The following SV2C variants were observed in gnomAD, a reference collection of about 807,000 sequenced individuals.
SV2C encodes solute carrier family 22 member B3.
Under a neutral mutation model 79.7 loss-of-function variants are expected in SV2C, and 49 were observed. That is an observed-to-expected ratio of 0.61 (90% CI 0.49 to 0.78). The LOEUF is 0.78. Ranked by LOEUF, SV2C falls within the 30% of genes least tolerant of loss-of-function variation. SV2C has a pLI of 0.00. For synonymous variants in SV2C, 334 were observed against 333.2 expected, an observed-to-expected ratio of 1.00 and a Z score of -0.03; for missense variants, 833 against 912.9, an observed-to-expected ratio of 0.91 and a Z score of 1.13.
chr5:75,946,731 G>A, the SV2C span, among the ~76,000 whole-genome samples: 3 of 151,974 alleles, frequency 2.0e-5, no homozygotes, highest in Admixed American at 6.6e-5. Flanking sequence ...AAAACTGTAA[G>A]GACAGAGAAC....
the SV2C span, among the ~76,000 whole-genome samples, chr5:76,041,182 A>C: frequency 6.6e-6 from 1 of 152,224 alleles, no homozygotes; most frequent in Non-Finnish European, 1.5e-5. Context: ...TTTTAAAATT[A>C]TAAATCAAGC....
At chr5:76,297,520 C>A (rs1172781962) in intron 9 of SV2C, among the ~76,000 whole-genome samples, 1 of 152,150 alleles carries the variant, frequency 6.6e-6, no homozygotes, top group Admixed American at 6.5e-5. Flanking sequence ...CTGATTCATT[C>A]CCTTTTCCAA....
the SV2C span, among the ~76,000 whole-genome samples, chr5:76,032,726 A>G: frequency 6.6e-6 from 1 of 152,226 alleles, no homozygotes; most frequent in African/African-American, 2.4e-5. Context: ...ATGTGTCTTT[A>G]GAGCAGCATG....
the SV2C span, among the ~76,000 whole-genome samples, chr5:75,886,747 T>G: frequency 1.3e-5 from 2 of 152,078 alleles, no homozygotes; most frequent in Admixed American, 1.3e-4. Context: ...TACTTGGTGG[T>G]CGAGGGGCGG....
chr5:75,875,648 G>T, the SV2C span, among the ~76,000 whole-genome samples: 1 of 151,816 alleles, frequency 6.6e-6, no homozygotes, highest in African/African-American at 2.4e-5. Context: ...ACAGCCTACA[G>T]AATGAGAGAA....
the SV2C span, among the ~76,000 whole-genome samples, chr5:75,982,796 A>G: frequency 6.6e-6 from 1 of 152,330 alleles, no homozygotes; most frequent in South Asian, 2.1e-4. Context: ...AAAAACAACA[A>G]GATCATGTCC....
At chr5:76,017,500 A>G in the SV2C span, among the ~76,000 whole-genome samples, 2 of 152,108 alleles carry the variant, frequency 1.3e-5, no homozygotes, top group South Asian at 4.1e-4. Context: ...GCTGGTCTCA[A>G]ACTCCTGACT....
intron 4 of SV2C, among the ~76,000 whole-genome samples, chr5:76,231,133 C>A (rs1243155854): frequency 6.6e-6 from 1 of 152,286 alleles, no homozygotes; most frequent in Admixed American, 6.5e-5. Flanking sequence ...AACACCCCCT[C>A]GTCAGTTCAG....
chr5:76,329,759 C>T lies in SV2C; in HGVS notation c.*4212C>T, dbSNP rs2112573088. ...TCAAAATGGCCTTTACCTATTTCTT[C>T]AGTAATATACCTGATCTGTTCATGC... On this transcript the variant is annotated 3_prime_UTR_variant, in exon 13 of 13. Transcript: ENST00000502798. 1 of 152,204 alleles carries T rather than the reference C, an allele frequency of 6.6e-6. No individual in the cohort carries two copies. Among genetic ancestry groups the T allele is most frequent in the South Asian group, 2.1e-4 (1 of 4,818 alleles). The allele number at this position is 152,204 out of a possible 1,614,324, so 9.4% of individuals were successfully genotyped here. A position where few individuals can be genotyped will look rare whatever the true frequency, so the allele number is the denominator to read the frequency against.
intron 4 of SV2C, among the ~76,000 whole-genome samples, chr5:76,273,172 C>T (rs201735342): frequency 3.1e-3 from 339 of 109,036 alleles, no homozygotes; most frequent in African/African-American, 9.5e-3. Flanking sequence ...TATATATATA[C>T]ACACATATAT....
At chr5:76,087,096 T>C (rs1476815320) in intron 1 of SV2C, among the ~76,000 whole-genome samples, 12 of 152,212 alleles carry the variant, frequency 7.9e-5, no homozygotes. Context: ...TAAAATAAAT[T>C]AACTCATGTT....
the SV2C span, among the ~76,000 whole-genome samples, chr5:75,882,797 A>G: frequency 2.0e-5 from 3 of 151,900 alleles, no homozygotes; most frequent in Middle Eastern, 6.8e-3. Context: ...CATAAAAAAA[A>G]AAACTCCAAA....
the SV2C span, among the ~76,000 whole-genome samples, chr5:75,975,442 C>T: frequency 6.6e-6 from 1 of 152,144 alleles, no homozygotes; most frequent in Admixed American, 6.5e-5. Context: ...TATTTTATTT[C>T]CAATTCATGT....
intron 4 of SV2C, among the ~76,000 whole-genome samples, chr5:76,225,856 G>T (rs1745220321): frequency 6.6e-6 from 1 of 152,128 alleles, no homozygotes; most frequent in Non-Finnish European, 1.5e-5. Flanking sequence ...TACTTGATGA[G>T]AGTATAACAC....
chr5:76,231,273 ATTAG>A (rs1441317648), intron 4 of SV2C, among the ~76,000 whole-genome samples: 2 of 152,160 alleles, frequency 1.3e-5, no homozygotes, highest in South Asian at 2.1e-4. Flanking sequence ...TGATGGATTT[ATTAG>A]TTAGTTTGAT....
At chr5:76,346,144 A>C (rs1749532957) in intron 12 of SV2C, among the ~76,000 whole-genome samples, 1 of 152,292 alleles carries the variant, frequency 6.6e-6, no homozygotes, top group East Asian at 1.9e-4. Context: ...TGGAGTTGGG[A>C]GAAGTGCAAT....
chr5:75,960,006 A>G, the SV2C span, among the ~76,000 whole-genome samples: 1 of 152,000 alleles, frequency 6.6e-6, no homozygotes, highest in Non-Finnish European at 1.5e-5. Context: ...AATGATATTC[A>G]GCCTTAAGAT....
intron 2 of SV2C, among the ~76,000 whole-genome samples, chr5:76,183,497 A>G (rs1258045634): frequency 1.3e-5 from 2 of 152,068 alleles, no homozygotes; most frequent in South Asian, 2.1e-4. Flanking sequence ...TATCCAAAGT[A>G]TATCACCACC....
chr5:76,284,380 C>T (rs557657878), intron 4 of SV2C, among the ~76,000 whole-genome samples: 75 of 152,154 alleles, frequency 4.9e-4, no homozygotes, highest in Non-Finnish European at 8.1e-4. Context: ...ATGCAGCAAC[C>T]GCCAATTCCT....
Sources: gnomAD v4.1 joint callset for allele counts (sites outside exome capture counted in the v4.1 genomes callset) on GRCh38, gnomAD v4.1.1 for gene constraint, MANE v1.5 for transcripts, NCBI Gene and HGNC (gene_info 2026-07-23, HGNC 2026-07-21) for gene names.